SPAG17: variants seen among roughly 807,000 people sequenced by gnomAD.
The protein encoded by SPAG17 is sperm associated antigen 17.
A neutral mutation model predicts 273.6 loss-of-function variants in SPAG17; 169 were observed. The ratio of observed to expected loss-of-function variants is 0.62; its 90% CI spans 0.55 to 0.70. The LOEUF (loss-of-function observed/expected upper bound fraction) is 0.70. Among genes scored for constraint, SPAG17 ranks in the 30% least tolerant of loss-of-function variants. The pLI is 0.00. For synonymous variants in SPAG17, 825 were observed against 873.2 expected (o/e 0.94, Z 0.97); for missense variants, 2,557 against 2,627.8 (o/e 0.97, Z 0.59).
chr1:118,158,354 T>C (rs985102857), intron 1 of SPAG17, among the ~76,000 whole-genome samples: 1 of 152,196 alleles, frequency 6.6e-6, no homozygotes, highest in African/African-American at 2.4e-5. Flanking sequence ...TGGCTGACTA[T>C]GAAGATGATC....
chr1:118,031,661 A>G, intron 25 of SPAG17, 31 bp downstream of exon 25: 1 of 1,606,240 alleles, frequency 6.2e-7, no homozygotes, highest in Non-Finnish European at 8.5e-7. Context: ...GCAGAAACAG[A>G]GTTTGGGAAT....
intron 1 of SPAG17, among the ~76,000 whole-genome samples, chr1:118,166,733 C>G (rs577019569): frequency 5.9e-5 from 9 of 152,056 alleles, no homozygotes; most frequent in Admixed American, 5.9e-4. Context: ...TCTAGCCCCA[C>G]CAGATCAACA....
chr1:118,042,172 T>C, intron 20 of SPAG17, 130 bp from the exon 21 acceptor site: 1 of 1,103,254 alleles, frequency 9.1e-7, no homozygotes, highest in East Asian at 2.4e-5. Flanking sequence ...AATACTGAAC[T>C]AGAAGCCTTG....
At chr1:117,968,883 C>T (rs1177530830) in intron 46 of SPAG17, among the ~76,000 whole-genome samples, 1 of 152,220 alleles carries the variant, frequency 6.6e-6, no homozygotes, top group African/African-American at 2.4e-5. Flanking sequence ...TTCATTCTGT[C>T]ATTCAATCAC....
chr1:118,081,102 C>T lies in SPAG17; in HGVS notation c.2208G>A (p.Leu736=). Residue 736 remains leucine, a splice_region_variant and synonymous_variant, in exon 15 of 49, where the codon CTG becomes CTA. Coordinates refer to ENST00000336338, the MANE Select transcript of SPAG17 (RefSeq NM_206996.4). ...IMKAQPQHES[L]EQTTNNEIKD... is the part of the protein sequence containing the mutation. ...ACACACACACACACTTTAACTTACC[C>T]AGAGACTCATGTTGGGGCTGAGCCT... 1 of 1,610,898 alleles carries T rather than the reference C, an allele frequency of 6.2e-7. No homozygotes were observed. The highest frequency in any genetic ancestry group is 1.1e-5 in the South Asian group (1 of 90,986).
At position 118,031,859 on chromosome 1, in the gene SPAG17, C is replaced by G; in HGVS notation, c.3442G>C (p.Asp1148His). ...TTCAATATTGTTTCTAAATCAGGAT[C>G]CTTATCTTCTATAAGCAGAAAAAGT... is the stretch of plus-strand genomic sequence containing the variant. ...GSNGMAPEDK[D>H]PDLETILNIP... Residue 1148 changes from aspartate to histidine, a missense_variant, in exon 25 of 49, where the codon GAT becomes CAT. Coordinates refer to ENST00000336338, the MANE Select transcript of SPAG17 (RefSeq NM_206996.4). 1 of 1,592,346 alleles carries G rather than the reference C, an allele frequency of 6.3e-7. No individual in the cohort carries two copies. The highest frequency in any genetic ancestry group is 8.6e-7 in the Non-Finnish European group (1 of 1,169,480).
intron 3 of SPAG17, among the ~76,000 whole-genome samples, chr1:118,142,743 T>G (rs1658750192): frequency 6.6e-6 from 1 of 152,168 alleles, no homozygotes; most frequent in South Asian, 2.1e-4. Context: ...CAGGGTTATG[T>G]AACTCGTGCA....
In SPAG17 at chr1:117,953,861, T is replaced by A; in HGVS notation, c.*189A>T. The A allele has an allele frequency of 4.4e-6, 3 of 688,678 alleles. No homozygotes were observed. The highest frequency in any genetic ancestry group is 7.3e-6 in the Non-Finnish European group (3 of 411,138). The allele number at this position is 688,678 out of a possible 1,614,324, so 42.7% of individuals were successfully genotyped here. ...TAAGAAAACCAAAAATGTCTTTAAA[T>A]GCTTTTTGGCACTCTATTCGCACGT... On this transcript the variant is annotated 3_prime_UTR_variant, in exon 49 of 49. Coordinates refer to ENST00000336338, the MANE Select transcript of SPAG17 (RefSeq NM_206996.4).
intron 31 of SPAG17, among the ~76,000 whole-genome samples, chr1:118,006,353 T>C (rs568460511): frequency 6.6e-6 from 1 of 152,364 alleles, no homozygotes; most frequent in Non-Finnish European, 1.5e-5. Context: ...ATGTACTCTG[T>C]GGCCTTTTGT....
In SPAG17 at chr1:118,039,320, T is replaced by G; in HGVS notation, c.3291A>C (p.Glu1097Asp). 1 of 1,613,302 alleles carries G rather than the reference T, an allele frequency of 6.2e-7. No individual in the cohort carries two copies. Among genetic ancestry groups the G allele is most frequent in the Non-Finnish European group, 8.5e-7 (1 of 1,179,488 alleles). Residue 1097 changes from glutamate (E) to aspartate (D), a missense_variant, in exon 23 of 49, where the codon GAA becomes GAC. Coordinates refer to ENST00000336338, the MANE Select transcript of SPAG17 (RefSeq NM_206996.4). The part of the protein sequence containing the change: ...KGDYYLEEEE[E>D]GDEEQSLETE... ...TTTCAAGACTTTGTTCCTCATCTCC[T>G]TCTTCTTCCTCTTCTAAATAATAAT...
At chr1:118,108,160 C>T (rs1656524905) in intron 4 of SPAG17, among the ~76,000 whole-genome samples, 2 of 152,232 alleles carry the variant, frequency 1.3e-5, no homozygotes, top group South Asian at 4.1e-4. Flanking sequence ...TTATTCCTCT[C>T]CTGGATTCAG....
chr1:117,988,219 G>T lies in SPAG17; in HGVS notation c.5522-15C>A, dbSNP rs773641166. On this transcript the variant is annotated splice_polypyrimidine_tract_variant and intron_variant, in intron 38 of 48. Transcript: ENST00000336338. ...GTGAGCTGCAACTTTAAACATAGAT[G>T]TATTTAACTTTTATCCCCACTTCTT... is the stretch of plus-strand genomic sequence containing the variant. 1.0e-5 allele frequency: 16 copies of T among 1,566,444 alleles called. No homozygotes were observed. Among genetic ancestry groups the T allele is most frequent in the South Asian group, 8.5e-5 (7 of 82,168 alleles).
At chr1:118,184,947 T>C in intron 1 of SPAG17, 124 bp downstream of exon 1, 1 of 823,432 alleles carries the variant, frequency 1.2e-6, no homozygotes, top group Non-Finnish European at 2.0e-6. Flanking sequence ...CCCTGGGTCC[T>C]GGAACCATCA....
chr1:118,064,084 C>A (rs1045046031), intron 18 of SPAG17, among the ~76,000 whole-genome samples: 2 of 152,132 alleles, frequency 1.3e-5, no homozygotes, highest in African/African-American at 4.8e-5. Flanking sequence ...AGTCAGGAAA[C>A]AACAGGTGCT....
chr1:117,991,199 A>G (rs963437640), intron 37 of SPAG17, among the ~76,000 whole-genome samples: 1 of 152,210 alleles, frequency 6.6e-6, no homozygotes, highest in Non-Finnish European at 1.5e-5. Context: ...TAAAAGTTTC[A>G]TTTAAGGGCC....
Position 118,085,531 on chromosome 1 carries a change from C to CGTGCGTGCATACGCGT in SPAG17, c.1762+390_1762+391insACGCGTATGCACGCAC, listed in dbSNP as rs752141039. Among the ~76,000 whole-genome samples, 170 of 151,664 alleles carry CGTGCGTGCATACGCGT rather than the reference C, an allele frequency of 1.1e-3. 1 individual carries two copies. The East Asian group carries it at 0.013, about 12-fold the overall frequency. ...GTGCATGCGTGCGTGCATACGCGTG[C>CGTGCGTGCATACGCGT]GCGCGCGCACACACACACACACACA... On this transcript the variant is annotated intron_variant, in intron 13 of 48. Transcript: ENST00000336338.
At chr1:118,027,388 G>A (rs557404568) in intron 26 of SPAG17, among the ~76,000 whole-genome samples, 145 of 152,234 alleles carry the variant, frequency 9.5e-4, no homozygotes, top group African/African-American at 2.7e-3. Flanking sequence ...TAAGCATAGC[G>A]TTTTTCTTTG....
intron 3 of SPAG17, among the ~76,000 whole-genome samples, chr1:118,135,265 GA>G (rs1245873875): frequency 6.6e-6 from 1 of 152,092 alleles, no homozygotes; most frequent in Non-Finnish European, 1.5e-5. Context: ...CACTAGTTCA[GA>G]AAAAAGTGTC....
intron 40 of SPAG17, 57 bp from the exon 41 acceptor site, chr1:117,984,839 T>C: frequency 8.7e-7 from 1 of 1,142,936 alleles, no homozygotes; most frequent in Non-Finnish European, 1.3e-6. Flanking sequence ...TAAAGTGTTG[T>C]TTGTTTGTGC....
Sources: gnomAD v4.1 joint callset for allele counts (sites outside exome capture counted in the v4.1 genomes callset) on GRCh38, gnomAD v4.1.1 for gene constraint, MANE v1.5 for transcripts, NCBI Gene and HGNC (gene_info 2026-07-23, HGNC 2026-07-21) for gene names.